PDE7A: variants seen among roughly 807,000 people sequenced by gnomAD.
PDE7A encodes phosphodiesterase 7A, also known as high affinity 3',5'-cyclic-AMP phosphodiesterase 7A.
A neutral mutation model predicts 64.3 loss-of-function variants in PDE7A; 39 were observed. The ratio of observed to expected loss-of-function variants is 0.61; its 90% CI spans 0.47 to 0.79. The LOEUF (loss-of-function observed/expected upper bound fraction) is 0.79. PDE7A is among the 30% of genes least tolerant of loss of function. PDE7A has a pLI of 0.00. For synonymous variants in PDE7A, 203 were observed against 206.8 expected, an observed-to-expected ratio of 0.98 and a Z score of 0.16; for missense variants, 470 against 582.8, an observed-to-expected ratio of 0.81 and a Z score of 1.99.
At chr8:65,832,909 C>G (rs902916096) in intron 1 of PDE7A, among the ~76,000 whole-genome samples, 1 of 152,114 alleles carries the variant, frequency 6.6e-6, no homozygotes, top group Non-Finnish European at 1.5e-5. Flanking sequence ...CGTCCTTTTC[C>G]CATGTGGCAA....
intron 1 of PDE7A, among the ~76,000 whole-genome samples, chr8:65,833,343 C>A (rs976026501): frequency 5.9e-5 from 9 of 152,124 alleles, no homozygotes; most frequent in African/African-American, 2.2e-4. Context: ...GCATTTAGAA[C>A]AAAATACTCC....
chr8:65,811,463 A>G (rs1400181117), intron 1 of PDE7A, among the ~76,000 whole-genome samples: 2 of 152,252 alleles, frequency 1.3e-5, no homozygotes, highest in Non-Finnish European at 2.9e-5. Context: ...CCATTGGCCA[A>G]CCCAACGAGA....
At chr8:65,737,719 A>C (rs372465462) in intron 6 of PDE7A, among the ~76,000 whole-genome samples, 3 of 152,056 alleles carry the variant, frequency 2.0e-5, no homozygotes, top group Non-Finnish European at 4.4e-5. Flanking sequence ...GGGTTTCACC[A>C]TGTTGGCCAG....
rs1806054097 is a variant in PDE7A at position 65,714,473 on chromosome 8, C to T, written c.*4817G>A. Reference sequence around the variant, plus strand: ...AAGTGGTGGTCATTCCACCTGTAGACCATGGGCTCTTGGGGGCCTTCCAGA... The same window carrying T: ...AAGTGGTGGTCATTCCACCTGTAGATCATGGGCTCTTGGGGGCCTTCCAGA... On this transcript the variant is annotated 3_prime_UTR_variant, in exon 13 of 13. Transcript: ENST00000401827. 2 of 152,182 alleles carry T rather than the reference C, an allele frequency of 1.3e-5. No homozygotes were observed. Among genetic ancestry groups the T allele is most frequent in the South Asian group, 4.2e-4 (2 of 4,802 alleles). The allele number at this position is 152,182 out of a possible 1,614,324, so 9.4% of individuals were successfully genotyped here. A position where few individuals can be genotyped will look rare whatever the true frequency, so the allele number is the denominator to read the frequency against.
chr8:65,793,392 G>C (rs1262404564), intron 1 of PDE7A, among the ~76,000 whole-genome samples: 1 of 150,814 alleles, frequency 6.6e-6, no homozygotes, highest in African/African-American at 2.4e-5. Context: ...TCAGTATGCT[G>C]AATTTCAAAA....
intron 7 of PDE7A, among the ~76,000 whole-genome samples, chr8:65,731,147 C>G (rs1273029696): frequency 6.6e-6 from 1 of 152,072 alleles, no homozygotes; most frequent in African/African-American, 2.4e-5. Flanking sequence ...TGTCAGGTTC[C>G]CATATGTTTT....
At chr8:65,841,291 T>G in intron 1 of PDE7A, 80 bp downstream of exon 1, 1 of 1,374,882 alleles carries the variant, frequency 7.3e-7, no homozygotes, top group Non-Finnish European at 9.5e-7. Flanking sequence ...GGCTGGGGGT[T>G]GTAGAGGAGG....
At chr8:65,732,459 G>A (rs1435735263) in intron 7 of PDE7A, among the ~76,000 whole-genome samples, 1 of 152,222 alleles carries the variant, frequency 6.6e-6, no homozygotes. Context: ...GATGCTCAAA[G>A]AGTATAAAAC....
chr8:65,750,026 G>C (rs913640492), intron 3 of PDE7A, among the ~76,000 whole-genome samples: 4 of 136 alleles, frequency 0.029, no homozygotes, highest in Non-Finnish European at 0.061. Context: ...AGCATGGCAT[G>C]AATATGTGGG....
intron 8 of PDE7A, 84 bp downstream of exon 8, chr8:65,727,086 T>G (rs990535659): frequency 9.7e-7 from 1 of 1,034,300 alleles, no homozygotes; most frequent in Non-Finnish European, 1.5e-6. Flanking sequence ...TGAGAATTTA[T>G]TTTCATTACT....
intron 6 of PDE7A, among the ~76,000 whole-genome samples, chr8:65,738,216 T>C (rs1807238255): frequency 6.6e-6 from 1 of 152,228 alleles, no homozygotes; most frequent in Non-Finnish European, 1.5e-5. Context: ...CTAATCATTA[T>C]GTGAACCTTC....
intron 3 of PDE7A, among the ~76,000 whole-genome samples, chr8:65,750,765 AC>A (rs1807911995): frequency 1.3e-5 from 2 of 152,118 alleles, no homozygotes; most frequent in African/African-American, 4.8e-5. Flanking sequence ...GCAACTTCTG[AC>A]AAGTCATAAC....
chr8:65,812,330 G>A (rs988540341), intron 1 of PDE7A, among the ~76,000 whole-genome samples: 4 of 152,028 alleles, frequency 2.6e-5, no homozygotes, highest in African/African-American at 4.8e-5. Flanking sequence ...AAATGATTTC[G>A]GAGAAACTGG....
chr8:65,728,374 T>G (rs1806694728), intron 7 of PDE7A: 1 of 152,238 alleles, frequency 6.6e-6, no homozygotes, highest in Non-Finnish European at 1.5e-5. Context: ...GAATCAATCA[T>G]CTCTTTCTAC....
intron 1 of PDE7A, among the ~76,000 whole-genome samples, chr8:65,815,038 G>C (rs144008660): frequency 3.3e-5 from 5 of 151,292 alleles, no homozygotes; most frequent in Non-Finnish European, 4.4e-5. Context: ...CTGAGATTGC[G>C]CCACTGTACT....
chr8:65,746,788 G>A (rs1467996099), intron 4 of PDE7A, among the ~76,000 whole-genome samples: 2 of 152,062 alleles, frequency 1.3e-5, no homozygotes, highest in African/African-American at 4.8e-5. Context: ...ATTTAAAGCA[G>A]GCATGAACGC....
At chr8:65,784,509 G>C (rs1809496325) in intron 1 of PDE7A, among the ~76,000 whole-genome samples, 1 of 151,982 alleles carries the variant, frequency 6.6e-6, no homozygotes, top group African/African-American at 2.4e-5. Flanking sequence ...AATATTAAAA[G>C]AAAACAGGAC....
intron 1 of PDE7A, among the ~76,000 whole-genome samples, chr8:65,802,253 A>G (rs761680936): frequency 1.3e-5 from 2 of 152,232 alleles, no homozygotes; most frequent in Non-Finnish European, 2.9e-5. Context: ...AAAACAGATA[A>G]TGGTGATCAC....
Position 65,779,721 on chromosome 8 carries a change from G to A in PDE7A, c.282C>T (p.His94=). The A allele has an allele frequency of 1.3e-6, 2 of 1,523,236 alleles. No homozygotes were observed. The highest frequency in any genetic ancestry group is 9.0e-7 in the Non-Finnish European group (1 of 1,109,366). 94.4% of individuals were successfully genotyped at this position (1,523,236 alleles called of 1,614,324 possible). ...SHPYIDFRIF[H]SQSEIEVSVS... ...AACTTCATGTCTACCAACACTTACAGTGGAAAATACGAAAATCAATATATG... is the reference window on the plus strand; with the variant it reads ...AACTTCATGTCTACCAACACTTACAATGGAAAATACGAAAATCAATATATG... Residue 94 remains histidine (H), a splice_region_variant and synonymous_variant, in exon 3 of 13, where the codon CAC becomes CAT. Coordinates refer to ENST00000401827, the MANE Select transcript of PDE7A (RefSeq NM_001242318.3).
Sources: gnomAD v4.1 joint callset for allele counts (sites outside exome capture counted in the v4.1 genomes callset) on GRCh38, gnomAD v4.1.1 for gene constraint, MANE v1.5 for transcripts, NCBI Gene and HGNC (gene_info 2026-07-23, HGNC 2026-07-21) for gene names.